The following GALNTL6 variants were observed in gnomAD, a reference collection of about 807,000 sequenced individuals.
The protein encoded by GALNTL6 is polypeptide N-acetylgalactosaminyltransferase-like 6.
GALNTL6 carries 46 observed loss-of-function variants against 73.7 expected under a neutral mutation model. The ratio of observed to expected loss-of-function variants is 0.62; its 90% confidence interval spans 0.49 to 0.80. GALNTL6 has a LOEUF of 0.80. GALNTL6 is among the 30% of genes least tolerant of loss of function. GALNTL6 has a pLI of 0.00. For synonymous variants in GALNTL6, 259 were observed against 263.7 expected (o/e 0.98, Z 0.17); for missense variants, 604 against 755.0 (o/e 0.80, Z 2.34).
At chr4:172,443,711 T>C (rs1019663837) in intron 5 of GALNTL6, among the ~76,000 whole-genome samples, 1 of 152,334 alleles carries the variant, frequency 6.6e-6, no homozygotes, top group Admixed American at 6.5e-5. Flanking sequence ...AAATGTTTTA[T>C]GCTATTTTTA....
intron 2 of GALNTL6, among the ~76,000 whole-genome samples, chr4:172,059,667 T>C (rs969241529): frequency 1.3e-5 from 2 of 152,174 alleles, no homozygotes; most frequent in African/African-American, 4.8e-5. Flanking sequence ...ATTTTAAAAA[T>C]ATTTAAATGT....
At chr4:171,961,537 A>G (rs947644936) in intron 2 of GALNTL6, among the ~76,000 whole-genome samples, 1 of 152,226 alleles carries the variant, frequency 6.6e-6, no homozygotes, top group Non-Finnish European at 1.5e-5. Flanking sequence ...GCTGCACTTT[A>G]TACAAATAAT....
intron 7 of GALNTL6, among the ~76,000 whole-genome samples, chr4:172,831,698 A>G (rs1742649248): frequency 6.6e-6 from 1 of 152,168 alleles, no homozygotes; most frequent in Admixed American, 6.5e-5. Flanking sequence ...CAAAATTCAT[A>G]TGTCAAAGCC....
At chr4:171,988,546 G>T (rs1024432196) in intron 2 of GALNTL6, among the ~76,000 whole-genome samples, 1 of 152,134 alleles carries the variant, frequency 6.6e-6, no homozygotes, top group African/African-American at 2.4e-5. Context: ...ATTGTGGAGG[G>T]AGGTATTGAG....
At chr4:172,344,988 A>G (rs1212061814) in intron 4 of GALNTL6, among the ~76,000 whole-genome samples, 1 of 152,208 alleles carries the variant, frequency 6.6e-6, no homozygotes, top group East Asian at 1.9e-4. Flanking sequence ...GACCGTAATA[A>G]TGACAGTATT....
intron 10 of GALNTL6, among the ~76,000 whole-genome samples, chr4:172,962,131 G>C (rs934233651): frequency 5.3e-5 from 8 of 152,190 alleles, no homozygotes; most frequent in African/African-American, 1.9e-4. Flanking sequence ...GGGAGCTTTT[G>C]AGCCAGGATG....
chr4:172,594,801 G>T (rs1737789940), intron 5 of GALNTL6, among the ~76,000 whole-genome samples: 2 of 152,094 alleles, frequency 1.3e-5, no homozygotes, highest in African/African-American at 2.4e-5. Flanking sequence ...TGTATTTATA[G>T]TACAAATCTA....
intron 5 of GALNTL6, among the ~76,000 whole-genome samples, chr4:172,604,926 T>C (rs1163207862): frequency 6.6e-6 from 1 of 152,220 alleles, no homozygotes; most frequent in East Asian, 1.9e-4. Context: ...GGGCTCCCAG[T>C]GTGACCACAG....
At chr4:171,904,224 G>A (rs1234768062) in intron 2 of GALNTL6, among the ~76,000 whole-genome samples, 1 of 151,884 alleles carries the variant, frequency 6.6e-6, no homozygotes, top group Admixed American at 6.6e-5. Context: ...CAAACCAAAG[G>A]CAAAGAAGTT....
At chr4:172,957,138 G>A (rs1435429258) in intron 10 of GALNTL6, among the ~76,000 whole-genome samples, 1 of 152,168 alleles carries the variant, frequency 6.6e-6, no homozygotes, top group Non-Finnish European at 1.5e-5. Flanking sequence ...GTCCTGGGCG[G>A]GAGCAAATCC....
intron 5 of GALNTL6, among the ~76,000 whole-genome samples, chr4:172,359,281 A>G (rs1435434998): frequency 1.3e-5 from 2 of 152,314 alleles, no homozygotes; most frequent in East Asian, 3.9e-4. Context: ...TAACATAGGA[A>G]TAGAAACCAA....
At chr4:172,892,577 G>C (rs1746091430) in intron 8 of GALNTL6, among the ~76,000 whole-genome samples, 1 of 150,146 alleles carries the variant, frequency 6.7e-6, no homozygotes, top group Non-Finnish European at 1.5e-5. Flanking sequence ...GGAGCTTACT[G>C]TTGTCGGCTT....
At position 171,990,032 on chromosome 4, in the gene GALNTL6, G is replaced by C. The variant is rs377313686; in HGVS notation, c.138+175314G>C. 7.2e-5 allele frequency among the ~76,000 whole-genome samples: 11 copies of C among 152,146 alleles called. No individual in the cohort carries two copies. In the East Asian group the frequency reaches 9.6e-4, roughly 13 times the overall value. Reference sequence around the variant, plus strand: ...AACAGTAAGCTGGACCAGGTGTGAGGAGGGGAGGTGATAAAAGGATTATAG... The same window carrying C: ...AACAGTAAGCTGGACCAGGTGTGAGCAGGGGAGGTGATAAAAGGATTATAG... On this transcript the variant is annotated intron_variant, in intron 2 of 12. Transcript: ENST00000506823.
At chr4:171,998,374 G>T (rs1179040853) in intron 2 of GALNTL6, among the ~76,000 whole-genome samples, 1 of 152,084 alleles carries the variant, frequency 6.6e-6, no homozygotes, top group Non-Finnish European at 1.5e-5. Flanking sequence ...TCTTTCCTGG[G>T]CTTGTGAATG....
At chr4:172,287,770 C>T (rs1206060165) in intron 3 of GALNTL6, among the ~76,000 whole-genome samples, 1 of 152,112 alleles carries the variant, frequency 6.6e-6, no homozygotes, top group Non-Finnish European at 1.5e-5. Flanking sequence ...TGAAATAATG[C>T]TTAAAGGATC....
intron 4 of GALNTL6, among the ~76,000 whole-genome samples, chr4:172,336,941 G>A (rs1255214226): frequency 6.6e-6 from 1 of 152,072 alleles, no homozygotes; most frequent in Non-Finnish European, 1.5e-5. Flanking sequence ...ACATTGGTAC[G>A]CGTATATTTA....
rs1286489184 is a variant in GALNTL6 at position 172,559,227 on chromosome 4, G to A, written c.553+210538G>A. On this transcript the variant is annotated intron_variant, in intron 5 of 12. Coordinates refer to ENST00000506823, the MANE Select transcript of GALNTL6 (RefSeq NM_001034845.3). The stretch of plus-strand genomic sequence containing the variant: ...CCACAGGCACCCGCCACCACGCCCA[G>A]CTAATTTTTTGTATTTTTAGTAGAG... Among the ~76,000 whole-genome samples the A allele has an allele frequency of 2.6e-5, 4 of 151,628 alleles. 1 individual carries two copies. The highest frequency in any genetic ancestry group is 5.9e-5 in the Non-Finnish European group (4 of 67,942).
At chr4:171,973,949 G>A (rs1739643941) in intron 2 of GALNTL6, among the ~76,000 whole-genome samples, 1 of 151,980 alleles carries the variant, frequency 6.6e-6, no homozygotes, top group Admixed American at 6.6e-5. Flanking sequence ...GACTATAAAA[G>A]GCATTCTTAT....
At chr4:171,916,700 T>C (rs1560839717) in intron 2 of GALNTL6, among the ~76,000 whole-genome samples, 1 of 152,128 alleles carries the variant, frequency 6.6e-6, no homozygotes, top group East Asian at 1.9e-4. Context: ...TCCAGACTTC[T>C]TACTTGAACA....
Sources: gnomAD v4.1 joint callset for allele counts (sites outside exome capture counted in the v4.1 genomes callset) on GRCh38, gnomAD v4.1.1 for gene constraint, MANE v1.5 for transcripts, NCBI Gene and HGNC (gene_info 2026-07-23, HGNC 2026-07-21) for gene names.